Variants in METTL14 observed in about 807,000 individuals in gnomAD.
METTL14 encodes the protein N(6)-adenosine-methyltransferase non-catalytic subunit METTL14.
METTL14 carries 32 observed loss-of-function variants against 62.4 expected under a neutral mutation model. The observed-to-expected ratio is 0.51, with a 90% CI of 0.39 to 0.69. METTL14 has a LOEUF of 0.69. METTL14 is among the 30% of genes least tolerant of loss of function. The pLI, the probability that METTL14 is intolerant of heterozygous loss-of-function variation, is 0.00. For missense variants in METTL14, 340 were observed against 551.9 expected, an observed-to-expected ratio of 0.62 and a Z score of 3.85; for synonymous variants, 150 against 180.0, an observed-to-expected ratio of 0.83 and a Z score of 1.34.
intron 7 of METTL14, among the ~76,000 whole-genome samples, chr4:118,698,191 A>G (rs1324693032): frequency 2.0e-5 from 3 of 152,118 alleles, no homozygotes; most frequent in Non-Finnish European, 4.4e-5. Context: ...GTGGTGTCTC[A>G]TGCCTGTAAT....
intron 10 of METTL14, among the ~76,000 whole-genome samples, chr4:118,707,919 C>T (rs577751342): frequency 1.1e-4 from 17 of 151,730 alleles, no homozygotes; most frequent in African/African-American, 2.7e-4. Flanking sequence ...CTGCAACCCC[C>T]GCCTCCCAGG....
rs899517186 is a variant in METTL14, at chr4:118,711,101, T to C, written c.*799T>C. The C allele has an allele frequency of 2.0e-5, 3 of 152,200 alleles. No homozygotes were observed. Among genetic ancestry groups the C allele is most frequent in the African/African-American group, 7.2e-5 (3 of 41,448 alleles). The allele number at this position is 152,200 out of a possible 1,614,324, so 9.4% of individuals were successfully genotyped here. On this transcript the variant is annotated 3_prime_UTR_variant, in exon 11 of 11. Coordinates refer to ENST00000388822, the MANE Select transcript of METTL14 (RefSeq NM_020961.4). ...AAATAAAAGAGAGGCAGCGACAAGATACCTCATTATCAGATGCTTGGTTTA... is the reference window on the plus strand; with the variant it reads ...AAATAAAAGAGAGGCAGCGACAAGACACCTCATTATCAGATGCTTGGTTTA...
intron 3 of METTL14, among the ~76,000 whole-genome samples, chr4:118,690,092 G>C (rs571928833): frequency 7.8e-6 from 1 of 128,642 alleles, no homozygotes; most frequent in East Asian, 2.5e-4. Flanking sequence ...CCAGGCTGGA[G>C]TGCAGTGGTG....
In METTL14 at chr4:118,714,953, G is replaced by T. The variant is rs933114315; in HGVS notation, c.*4651G>T. The T allele has an allele frequency of 3.3e-5, 5 of 152,178 alleles. No homozygotes were observed. Among genetic ancestry groups the T allele is most frequent in the African/African-American group, 1.2e-4 (5 of 41,454 alleles). 9.4% of individuals were successfully genotyped at this position (152,178 alleles called of 1,614,324 possible). ...TGTGTGACCACATTTACTTAAAAAA[G>T]AGGAAAAAAGGTTACTTGCTTGAGA... On this transcript the variant is annotated 3_prime_UTR_variant, in exon 11 of 11. Coordinates refer to ENST00000388822, the MANE Select transcript of METTL14 (RefSeq NM_020961.4).
chr4:118,695,833 C>G lies in METTL14; in HGVS notation c.503+1307C>G, dbSNP rs572455065. ...TGATATGATAAAATGTATTTTGGGC[C>G]GGGTGCGGTGGCTCACACCTATAAT... On this transcript the variant is annotated intron_variant, in intron 6 of 10. Coordinates refer to ENST00000388822, the MANE Select transcript of METTL14 (RefSeq NM_020961.4). Among the ~76,000 whole-genome samples, 4 of 151,838 alleles carry G rather than the reference C, an allele frequency of 2.6e-5. No homozygotes were observed. In the East Asian group the frequency reaches 7.8e-4, roughly 29 times the overall value.
chr4:118,713,555 A>G lies in METTL14; in HGVS notation c.*3253A>G, dbSNP rs998108738. 9.8e-5 allele frequency: 15 copies of G among 152,338 alleles called. No homozygotes were observed. Among genetic ancestry groups the G allele is most frequent in the Middle Eastern group, 3.4e-3 (1 of 294 alleles). 9.4% of individuals were successfully genotyped at this position (152,338 alleles called of 1,614,324 possible). Reference sequence around the variant, plus strand: ...TGAAAGCCCTGTTGGGACTTAGTCTAAACAGTAGTCTTTGATCTGAAAGTG... The same window carrying G: ...TGAAAGCCCTGTTGGGACTTAGTCTGAACAGTAGTCTTTGATCTGAAAGTG... On this transcript the variant is annotated 3_prime_UTR_variant, in exon 11 of 11. Coordinates refer to ENST00000388822, the MANE Select transcript of METTL14 (RefSeq NM_020961.4).
intron 1 of METTL14, 21 bp downstream of exon 1, chr4:118,685,621 C>T (rs1230115784): frequency 1.2e-6 from 2 of 1,612,204 alleles, no homozygotes; most frequent in East Asian, 2.2e-5. Context: ...CTGGTGTCCC[C>T]TGTGGGAGGG....
At position 118,697,333 on chromosome 4, in the gene METTL14, A is replaced by G. The variant is rs374629470; in HGVS notation, c.645+10A>G. 7.6e-6 allele frequency: 12 copies of G among 1,583,988 alleles called. No individual in the cohort carries two copies. Among genetic ancestry groups the G allele is most frequent in the Admixed American group, 1.9e-5 (1 of 51,994 alleles). ...CTGGACTTGGGATGATGTATGATCA[A>G]ACTTTCTACATTGTAATGAATTATT... is the stretch of plus-strand genomic sequence containing the variant. On this transcript the variant is annotated intron_variant, in intron 7 of 10. Coordinates refer to ENST00000388822, the MANE Select transcript of METTL14 (RefSeq NM_020961.4).
chr4:118,709,130 A>C (rs1724846296), intron 10 of METTL14, among the ~76,000 whole-genome samples: 1 of 152,264 alleles, frequency 6.6e-6, no homozygotes, highest in African/African-American at 2.4e-5. Context: ...GATTTTTAAC[A>C]GGTTGACAGG....
rs967291994 is a variant in METTL14 at position 118,715,117 on chromosome 4, A to G, written c.*4815A>G. 3 of 152,254 alleles carry G rather than the reference A, an allele frequency of 2.0e-5. No homozygotes were observed. Among genetic ancestry groups the G allele is most frequent in the African/African-American group, 7.2e-5 (3 of 41,460 alleles). The allele number at this position is 152,254 out of a possible 1,614,324, so 9.4% of individuals were successfully genotyped here. ...AGCCATTCATCTATCCAATGGGGGAAAATGTGGAGGTCTAGGCTTGTGTTG... is the reference window on the plus strand; with the variant it reads ...AGCCATTCATCTATCCAATGGGGGAGAATGTGGAGGTCTAGGCTTGTGTTG... On this transcript the variant is annotated 3_prime_UTR_variant, in exon 11 of 11. Transcript: ENST00000388822.
intron 1 of METTL14, among the ~76,000 whole-genome samples, chr4:118,687,105 G>A (rs1219869989): frequency 6.6e-6 from 1 of 152,204 alleles, no homozygotes; most frequent in African/African-American, 2.4e-5. Context: ...CCACAACCCT[G>A]TGCAAACACT....
In METTL14 at chr4:118,706,223, G is replaced by A. The variant is rs193141011; in HGVS notation, c.1066+402G>A. Among the ~76,000 whole-genome samples, 10 of 152,218 alleles carry A rather than the reference G, an allele frequency of 6.6e-5. No homozygotes were observed. In the East Asian group the frequency reaches 1.5e-3, roughly 23 times the overall value. On this transcript the variant is annotated intron_variant, in intron 10 of 10. Coordinates refer to ENST00000388822, the MANE Select transcript of METTL14 (RefSeq NM_020961.4). ...ATAGGATCATACTCAATAGTTTCACGGCCCTAAAAATCCTCTGTGCTCCAC... is the reference window on the plus strand; with the variant it reads ...ATAGGATCATACTCAATAGTTTCACAGCCCTAAAAATCCTCTGTGCTCCAC...
chr4:118,699,027 G>C (rs1724511177), intron 7 of METTL14, among the ~76,000 whole-genome samples: 1 of 152,148 alleles, frequency 6.6e-6, no homozygotes, highest in Non-Finnish European at 1.5e-5. Context: ...AGAACCAGGA[G>C]AGTATGAATG....
chr4:118,691,717 G>T, intron 4 of METTL14, 105 bp downstream of exon 4: 1 of 611,956 alleles, frequency 1.6e-6, no homozygotes, highest in Non-Finnish European at 2.8e-6. Context: ...TAATTATTGA[G>T]GGATCATTGT....
Position 118,710,725 on chromosome 4 carries a change from T to C in METTL14, c.*423T>C, listed in dbSNP as rs2110412730. ...TAAGCTTTTGTCAGGGTTTTAACAT[T>C]TTCTTGATGAAACAATAAAAAGAGG... On this transcript the variant is annotated 3_prime_UTR_variant, in exon 11 of 11. Coordinates refer to ENST00000388822, the MANE Select transcript of METTL14 (RefSeq NM_020961.4). The C allele has an allele frequency of 6.5e-6, 1 of 153,498 alleles. No individual in the cohort carries two copies. Among genetic ancestry groups the C allele is most frequent in the South Asian group, 2.1e-4 (1 of 4,830 alleles). The allele number at this position is 153,498 out of a possible 1,614,324, so 9.5% of individuals were successfully genotyped here.
intron 3 of METTL14, among the ~76,000 whole-genome samples, chr4:118,690,197 C>T (rs979692144): frequency 1.5e-4 from 23 of 150,920 alleles, no homozygotes; most frequent in Admixed American, 1.3e-3. Context: ...CGCACCACGA[C>T]GCCCGGCTAT....
Position 118,692,548 on chromosome 4 carries a change from G to A in METTL14, c.412+480G>A, listed in dbSNP as rs141248762. 7.4e-3 allele frequency among the ~76,000 whole-genome samples: 1,128 copies of A among 152,192 alleles called. 7 individuals are homozygous for A. Among genetic ancestry groups the A allele is most frequent in the African/African-American group, 0.025 (1,036 of 41,536 alleles). On this transcript the variant is annotated intron_variant, in intron 5 of 10. Transcript: ENST00000388822. ...CTCCCAAAGTGCTGAGATTACAGGC[G>A]TGAGCCACCGCTCCAGGCCCTGTAT...
chr4:118,694,126 G>GTTT (rs373278873), intron 5 of METTL14, among the ~76,000 whole-genome samples: 1 of 116,426 alleles, frequency 8.6e-6, no homozygotes, highest in African/African-American at 3.1e-5. Context: ...AAAGGTAGTT[G>GTTT]TTTTTTTTTT....
At chr4:118,691,327 A>T (rs1724240657) in intron 3 of METTL14, among the ~76,000 whole-genome samples, 1 of 152,162 alleles carries the variant, frequency 6.6e-6, no homozygotes, top group African/African-American at 2.4e-5. Context: ...TACAGTAATT[A>T]TTTATGATAG....
Sources: gnomAD v4.1 joint callset for allele counts (sites outside exome capture counted in the v4.1 genomes callset) on GRCh38, gnomAD v4.1.1 for gene constraint, MANE v1.5 for transcripts, NCBI Gene and HGNC (gene_info 2026-07-23, HGNC 2026-07-21) for gene names.